Variants in ESYT2 observed in about 807,000 individuals in gnomAD.
The protein encoded by ESYT2 is extended synaptotagmin 2, also known as extended synaptotagmin-2.
ESYT2 carries 54 observed loss-of-function variants against 107.2 expected under a neutral mutation model. That is an observed-to-expected ratio of 0.50 (90% CI 0.40 to 0.63). The LOEUF (loss-of-function observed/expected upper bound fraction) is 0.63. Ranked by LOEUF, ESYT2 falls within the 30% of genes least tolerant of loss-of-function variation. The pLI is 0.00. For synonymous variants in ESYT2, 491 were observed against 434.1 expected (o/e 1.13, Z -1.63); for missense variants, 1,020 against 1,094.5 (o/e 0.93, Z 0.96).
At chr7:158,795,835 G>A (rs1243043072) in intron 3 of ESYT2, among the ~76,000 whole-genome samples, 1 of 152,246 alleles carries the variant, frequency 6.6e-6, no homozygotes, top group Non-Finnish European at 1.5e-5. Context: ...TAGAGACATG[G>A]ACTCTTGCAC....
chr7:158,809,498 C>G (rs1317380659), intron 1 of ESYT2, among the ~76,000 whole-genome samples: 2 of 71,948 alleles, frequency 2.8e-5, no homozygotes, highest in Non-Finnish European at 6.2e-5. Flanking sequence ...AAAAAAAAAA[C>G]CAGGGGGGAT....
At chr7:158,804,963 C>T (rs565161049) in intron 1 of ESYT2, among the ~76,000 whole-genome samples, 81 of 152,294 alleles carry the variant, frequency 5.3e-4, no homozygotes, top group Admixed American at 9.8e-4. Flanking sequence ...TTCATATTAT[C>T]AGATTACGAT....
chr7:158,793,244 GGT>G (rs1165716935), intron 4 of ESYT2, among the ~76,000 whole-genome samples: 1 of 152,034 alleles, frequency 6.6e-6, no homozygotes, highest in African/African-American at 2.4e-5. Context: ...CTTTTAATGT[GGT>G]GTGTTACATC....
intron 1 of ESYT2, among the ~76,000 whole-genome samples, chr7:158,809,474 C>CAAAAAAAAAAAAAA (rs67422901): frequency 6.0e-5 from 3 of 49,738 alleles, no homozygotes; most frequent in African/African-American, 9.1e-5. Context: ...GAATCCATCT[C>CAAAAAAAAAAAAAA]AAAAAAAAAA....
intron 3 of ESYT2, among the ~76,000 whole-genome samples, chr7:158,795,744 T>G (rs1397752113): frequency 7.8e-6 from 1 of 128,074 alleles, no homozygotes; most frequent in African/African-American, 3.2e-5. Flanking sequence ...CCATTTTAGG[T>G]GTTGAAGGTA....
At chr7:158,819,211 C>T (rs1840225281) in intron 1 of ESYT2, among the ~76,000 whole-genome samples, 1 of 152,114 alleles carries the variant, frequency 6.6e-6, no homozygotes, top group African/African-American at 2.4e-5. Context: ...AACAACATAC[C>T]ATGCAAAAAC....
chr7:158,772,719 G>A (rs1057222493), intron 7 of ESYT2, among the ~76,000 whole-genome samples: 7 of 152,062 alleles, frequency 4.6e-5, no homozygotes, highest in African/African-American at 9.7e-5. Context: ...TCAGATGCTT[G>A]TTATGGAACA....
At position 158,773,207 on chromosome 7, in the gene ESYT2, C is replaced by T. The variant is rs1018864898; in HGVS notation, c.803+134G>A. ...CCCTGTACCCTCTGCTTGTTTCTCA[C>T]GACAGCCTGTGGAGAAGGCACCCAT... On this transcript the variant is annotated intron_variant, in intron 7 of 22. Coordinates refer to ENST00000275418, the MANE Select transcript of ESYT2 (RefSeq NM_001367773.1). The T allele has an allele frequency of 3.0e-5, 29 of 968,928 alleles. 1 individual carries two copies. The highest frequency in any genetic ancestry group is 2.8e-4 in the Admixed American group (15 of 53,644). 60.0% of individuals were successfully genotyped at this position (968,928 alleles called of 1,614,324 possible).
intron 3 of ESYT2, among the ~76,000 whole-genome samples, chr7:158,796,597 G>A (rs1839465757): frequency 6.6e-6 from 1 of 152,226 alleles, no homozygotes; most frequent in African/African-American, 2.4e-5. Flanking sequence ...GAAGAACGTG[G>A]AGCAGAAAGA....
At chr7:158,750,397 G>A (rs1229507020) in intron 14 of ESYT2, among the ~76,000 whole-genome samples, 1 of 152,150 alleles carries the variant, frequency 6.6e-6, no homozygotes, top group Non-Finnish European at 1.5e-5. Context: ...GCAGATACGT[G>A]TGACATGAGG....
chr7:158,771,475 G>T (rs781299853), intron 7 of ESYT2, among the ~76,000 whole-genome samples: 1 of 152,192 alleles, frequency 6.6e-6, no homozygotes, highest in African/African-American at 2.4e-5. Context: ...CATCGGAGTC[G>T]CAGGAATCTG....
intron 4 of ESYT2, among the ~76,000 whole-genome samples, chr7:158,790,860 G>A (rs111545351): frequency 9.2e-5 from 14 of 152,184 alleles, no homozygotes; most frequent in African/African-American, 2.9e-4. Context: ...TCCAGGAGGC[G>A]GAGGTTGCAG....
At chr7:158,802,454 T>C (rs546905018) in intron 1 of ESYT2, among the ~76,000 whole-genome samples, 128 of 152,332 alleles carry the variant, frequency 8.4e-4, no homozygotes, top group Non-Finnish European at 1.6e-3. Context: ...CTAATTTTTG[T>C]AGTTTTAGTA....
rs139846898 is a variant in ESYT2, at chr7:158,738,836, G to A, written c.2267+187C>T. ...ACCGTTGTACTTCGGTGACCAAAAC[G>A]TTGTCATGTGACATACGCAGTGGTG... On this transcript the variant is annotated intron_variant, in intron 19 of 22. Coordinates refer to ENST00000275418, the MANE Select transcript of ESYT2 (RefSeq NM_001367773.1). Among the ~76,000 whole-genome samples, 6 of 152,324 alleles carry A rather than the reference G, an allele frequency of 3.9e-5. No individual in the cohort carries two copies. In the East Asian group the frequency reaches 7.7e-4, roughly 20 times the overall value.
intron 1 of ESYT2, among the ~76,000 whole-genome samples, chr7:158,806,267 G>C (rs1397006005): frequency 1.3e-5 from 2 of 152,124 alleles, no homozygotes; most frequent in Admixed American, 6.5e-5. Flanking sequence ...TATTCTGGTA[G>C]ATCAGAAAAC....
chr7:158,759,592 A>G lies in ESYT2; in HGVS notation c.1324-11T>C. The G allele has an allele frequency of 6.2e-7, 1 of 1,602,136 alleles. No individual in the cohort carries two copies. The highest frequency in any genetic ancestry group is 8.5e-7 in the Non-Finnish European group (1 of 1,170,844). On this transcript the variant is annotated splice_polypyrimidine_tract_variant and intron_variant, in intron 12 of 22. Coordinates refer to ENST00000275418, the MANE Select transcript of ESYT2 (RefSeq NM_001367773.1). ...GATGTCTGTTAGCACCTAAAAGGAA[A>G]GGAAAAAGCCCTTAGCAGCCATGTT...
chr7:158,750,629 T>A (rs921321155), intron 14 of ESYT2, among the ~76,000 whole-genome samples: 1 of 152,212 alleles, frequency 6.6e-6, no homozygotes, highest in African/African-American at 2.4e-5. Flanking sequence ...ATCTTTCTGA[T>A]GTGAATGAAT....
intron 13 of ESYT2, among the ~76,000 whole-genome samples, chr7:158,753,811 G>A (rs568317520): frequency 6.6e-6 from 1 of 151,930 alleles, no homozygotes; most frequent in Non-Finnish European, 1.5e-5. Context: ...GCCTGGACAA[G>A]GGCATCCTTC....
chr7:158,814,438 A>C (rs575580910), intron 1 of ESYT2, among the ~76,000 whole-genome samples: 1 of 151,390 alleles, frequency 6.6e-6, no homozygotes, highest in South Asian at 2.1e-4. Flanking sequence ...CTCACAGATC[A>C]AAAACGTTTT....
Sources: gnomAD v4.1 joint callset for allele counts (sites outside exome capture counted in the v4.1 genomes callset) on GRCh38, gnomAD v4.1.1 for gene constraint, MANE v1.5 for transcripts, NCBI Gene and HGNC (gene_info 2026-07-23, HGNC 2026-07-21) for gene names.